Variants in ITPR2 observed in about 807,000 individuals in gnomAD.
The protein encoded by ITPR2 is inositol 1,4,5-trisphosphate-gated calcium channel ITPR2.
ITPR2 carries 207 observed loss-of-function variants against 317.1 expected under a neutral mutation model. The ratio of observed to expected loss-of-function variants is 0.65; its 90% CI spans 0.58 to 0.73. The LOEUF (loss-of-function observed/expected upper bound fraction) is 0.73. ITPR2 is among the 30% of genes least tolerant of loss of function. The probability of loss-of-function intolerance (pLI) is 0.00; values close to 1 mark genes in which losing one functional copy is unlikely to be tolerated. For synonymous variants in ITPR2, 1,156 were observed against 1,149.1 expected (o/e 1.01, Z -0.12); for missense variants, 2,613 against 3,284.0 (o/e 0.80, Z 4.99).
chr12:26,710,287 A>G (rs1261687988), intron 9 of ITPR2, among the ~76,000 whole-genome samples: 2 of 152,268 alleles, frequency 1.3e-5, no homozygotes. Flanking sequence ...AACTTCTGCA[A>G]GCACTTTGCC....
intron 35 of ITPR2, among the ~76,000 whole-genome samples, chr12:26,558,527 C>T (rs1178394904): frequency 6.6e-6 from 1 of 152,198 alleles, no homozygotes; most frequent in Non-Finnish European, 1.5e-5. Context: ...GTTTACTTGC[C>T]TGTCTTCATC....
chr12:26,353,965 G>T (rs917035163), intron 55 of ITPR2, among the ~76,000 whole-genome samples: 10 of 152,106 alleles, frequency 6.6e-5, no homozygotes, highest in Non-Finnish European at 1.5e-4. Flanking sequence ...CAACAAAAAT[G>T]CAAAAATAGA....
chr12:26,660,966 T>C (rs1171682481), intron 15 of ITPR2, among the ~76,000 whole-genome samples: 2 of 151,070 alleles, frequency 1.3e-5, no homozygotes, highest in Middle Eastern at 3.2e-3. Context: ...ATATACTACA[T>C]AATAATAATA....
chr12:26,521,263 A>G (rs1943655917), intron 37 of ITPR2, among the ~76,000 whole-genome samples: 1 of 152,176 alleles, frequency 6.6e-6, no homozygotes, highest in Non-Finnish European at 1.5e-5. Context: ...GAAAACCATG[A>G]TACTGTATTA....
intron 32 of ITPR2, among the ~76,000 whole-genome samples, chr12:26,593,875 A>G (rs1945770471): frequency 1.3e-5 from 2 of 152,258 alleles, no homozygotes; most frequent in Admixed American, 1.3e-4. Context: ...TAAAAAATAA[A>G]AATCCTTTCA....
intron 1 of ITPR2, among the ~76,000 whole-genome samples, chr12:26,812,203 G>A (rs1346391672): frequency 2.0e-5 from 3 of 150,408 alleles, no homozygotes; most frequent in African/African-American, 4.9e-5. Context: ...AAAATAATCC[G>A]TTGGCACTAA....
intron 55 of ITPR2, among the ~76,000 whole-genome samples, chr12:26,375,823 C>T (rs1939322083): frequency 6.6e-6 from 1 of 152,152 alleles, no homozygotes; most frequent in Admixed American, 6.5e-5. Context: ...TCCTGGGATG[C>T]CCTAGTGCAT....
At chr12:26,409,249 C>T (rs771740942) in intron 52 of ITPR2, among the ~76,000 whole-genome samples, 1 of 152,096 alleles carries the variant, frequency 6.6e-6, no homozygotes, top group Admixed American at 6.6e-5. Context: ...ATTCAGTACA[C>T]GTTCAGACTA....
At chr12:26,497,080 T>C (rs948133091) in intron 37 of ITPR2, among the ~76,000 whole-genome samples, 2 of 136,108 alleles carry the variant, frequency 1.5e-5, no homozygotes, top group Non-Finnish European at 1.6e-5. Context: ...CCATTCTACC[T>C]TTCAGCTGTA....
At chr12:26,646,891 T>C (rs903889789) in intron 21 of ITPR2, among the ~76,000 whole-genome samples, 7 of 152,224 alleles carry the variant, frequency 4.6e-5, no homozygotes, top group Non-Finnish European at 7.3e-5. Flanking sequence ...CACATTTCAG[T>C]GCTTAGCTAT....
chr12:26,678,500 A>T (rs1404480565), intron 13 of ITPR2, among the ~76,000 whole-genome samples: 1 of 152,164 alleles, frequency 6.6e-6, no homozygotes, highest in Non-Finnish European at 1.5e-5. Context: ...AGGGGGAAAA[A>T]AGTCAGAGTT....
intron 8 of ITPR2, among the ~76,000 whole-genome samples, chr12:26,712,360 C>CT (rs1948660911): frequency 6.6e-6 from 1 of 152,138 alleles, no homozygotes; most frequent in African/African-American, 2.4e-5. Context: ...TTGCTAATGC[C>CT]TTTTGCTAGA....
chr12:26,554,692 G>A (rs148492272), intron 36 of ITPR2, among the ~76,000 whole-genome samples: 100 of 152,082 alleles, frequency 6.6e-4, no homozygotes, highest in African/African-American at 2.2e-3. Context: ...CAGGTTTATC[G>A]CCTAACTTTT....
intron 2 of ITPR2, among the ~76,000 whole-genome samples, chr12:26,784,379 C>T: frequency 7.3e-6 from 1 of 136,350 alleles, no homozygotes; most frequent in Non-Finnish European, 1.7e-5. Flanking sequence ...GGTCTCCTTC[C>T]ACGGTCTCCC....
At chr12:26,485,314 G>T (rs1322844339) in intron 41 of ITPR2, among the ~76,000 whole-genome samples, 2 of 152,074 alleles carry the variant, frequency 1.3e-5, no homozygotes, top group Non-Finnish European at 2.9e-5. Context: ...TTTAAAAGTA[G>T]TATTTTCTAT....
At chr12:26,490,040 G>T (rs1395542616) in intron 39 of ITPR2, among the ~76,000 whole-genome samples, 1 of 152,084 alleles carries the variant, frequency 6.6e-6, no homozygotes, top group Non-Finnish European at 1.5e-5. Flanking sequence ...GAGGAAGGCT[G>T]GTCCTTATTG....
At chr12:26,598,560 A>G (rs1945911345) in intron 30 of ITPR2, among the ~76,000 whole-genome samples, 1 of 152,224 alleles carries the variant, frequency 6.6e-6, no homozygotes, top group Admixed American at 6.5e-5. Flanking sequence ...TTACATAAAT[A>G]TCACTCAATG....
intron 26 of ITPR2, among the ~76,000 whole-genome samples, chr12:26,608,747 C>T (rs1203841011): frequency 2.6e-5 from 4 of 151,106 alleles, no homozygotes; most frequent in Non-Finnish European, 4.4e-5. Flanking sequence ...TCTGCGCTCC[C>T]CAAGTTTGCA....
At chr12:26,697,530 C>T (rs750435913) in intron 9 of ITPR2, among the ~76,000 whole-genome samples, 26 of 152,068 alleles carry the variant, frequency 1.7e-4, no homozygotes, top group Non-Finnish European at 2.2e-4. Flanking sequence ...AATATGTGGC[C>T]GGGTGTGGTG....
Sources: gnomAD v4.1 joint callset for allele counts (sites outside exome capture counted in the v4.1 genomes callset) on GRCh38, gnomAD v4.1.1 for gene constraint, MANE v1.5 for transcripts, NCBI Gene and HGNC (gene_info 2026-07-23, HGNC 2026-07-21) for gene names.